DISP3: variants seen among roughly 807,000 people sequenced by gnomAD.
DISP3 encodes the protein dispatched RND transporter family member 3.
A neutral mutation model predicts 135.3 loss-of-function variants in DISP3; 101 were observed. The ratio of observed to expected loss-of-function variants is 0.75; its 90% confidence interval spans 0.64 to 0.88. The LOEUF is 0.88. DISP3 is among the 40% of genes least tolerant of loss of function. The pLI, the probability that DISP3 is intolerant of heterozygous loss-of-function variation, is 0.00. For missense variants in DISP3, 1,713 were observed against 1,878.6 expected, an observed-to-expected ratio of 0.91 and a Z score of 1.63; for synonymous variants, 856 against 817.0, an observed-to-expected ratio of 1.05 and a Z score of -0.81.
rs910062183 is a variant in DISP3 at position 11,536,999 on chromosome 1, C to T, written c.*313C>T. On this transcript the variant is annotated 3_prime_UTR_variant, in exon 21 of 21. Coordinates refer to ENST00000294484, the MANE Select transcript of DISP3 (RefSeq NM_020780.2). This position sits in a 1 kb window ranked among gnomAD's most constrained non-coding sequence, Gnocchi z 4.3. ...GTCAGGTTATTTTTGTAGGGGGTCT[C>T]CCTCTCACACTGCCTCAGTGCTCAC... The T allele has an allele frequency of 3.9e-5, 15 of 380,256 alleles. No homozygotes were observed. Among genetic ancestry groups the T allele is most frequent in the African/African-American group, 2.5e-4 (12 of 48,938 alleles). The allele number at this position is 380,256 out of a possible 1,614,324, so 23.6% of individuals were successfully genotyped here.
intron 1 of DISP3, among the ~76,000 whole-genome samples, chr1:11,484,760 G>C (rs889865446): frequency 1.3e-5 from 2 of 152,164 alleles, no homozygotes; most frequent in Non-Finnish European, 2.9e-5. Flanking sequence ...GGAACAAGGG[G>C]GTGGTAAGGA....
intron 5 of DISP3, among the ~76,000 whole-genome samples, chr1:11,515,763 T>G (rs576720515): frequency 1.9e-4 from 28 of 151,180 alleles, no homozygotes; most frequent in Admixed American, 3.3e-4. Context: ...GAGGTCAGGA[T>G]GTGGGGGAAG....
rs1557599795 is a variant in DISP3, at chr1:11,501,611, A to C, written c.619A>C (p.Thr207Pro). 3 of 1,603,092 alleles carry C rather than the reference A, an allele frequency of 1.9e-6. No individual in the cohort carries two copies. Among genetic ancestry groups the C allele is most frequent in the Non-Finnish European group, 2.6e-6 (3 of 1,174,548 alleles). ...ANRSGRLRRE[T>P]PPLEDLAANQ... is the part of the protein sequence containing the mutation. Reference sequence around the variant, plus strand: ...TCGGAGCGGGCGACTTCGGCGTGAGACCCCGCCCCTGGAGGATCTGGCAGC... The same window carrying C: ...TCGGAGCGGGCGACTTCGGCGTGAGCCCCCGCCCCTGGAGGATCTGGCAGC... Residue 207 changes from threonine to proline, a missense_variant, in exon 2 of 21, where the codon ACC becomes CCC. Thr to Pro is a conservative substitution (Grantham distance 38). Coordinates refer to ENST00000294484, the MANE Select transcript of DISP3 (RefSeq NM_020780.2). This position sits in a 1 kb window ranked among gnomAD's most constrained non-coding sequence, Gnocchi z 4.9.
intron 10 of DISP3, 63 bp from the exon 11 acceptor site, chr1:11,523,879 C>A: frequency 2.2e-6 from 3 of 1,359,712 alleles, no homozygotes; most frequent in Non-Finnish European, 3.1e-6. Context: ...TTCCCTCTGC[C>A]CATCGGGCCC....
chr1:11,494,045 T>A (rs1641262334), intron 1 of DISP3, among the ~76,000 whole-genome samples: 1 of 152,202 alleles, frequency 6.6e-6, no homozygotes, highest in Admixed American at 6.5e-5. Context: ...CTCAAAGAGC[T>A]CATAGGCTAC....
At position 11,529,784 on chromosome 1, in the gene DISP3, C is replaced by T. The variant is rs759035672; in HGVS notation, c.2930-3C>T. The T allele has an allele frequency of 1.2e-6, 2 of 1,611,200 alleles. No homozygotes were observed. The highest frequency in any genetic ancestry group is 4.5e-5 in the East Asian group (2 of 44,828). On this transcript the variant is annotated splice_polypyrimidine_tract_variant and splice_region_variant and intron_variant, in intron 14 of 20. Coordinates refer to ENST00000294484, the MANE Select transcript of DISP3 (RefSeq NM_020780.2). The surrounding 1 kb of genome is among the most constrained non-coding windows in gnomAD (Gnocchi z 4.7). ...CCTTACAGCTGTGACTCCCTGTTCG[C>T]AGTGCCCAAGGCCCGTCTCTCAGCC...
rs149776641 is a variant in DISP3, at chr1:11,499,306, A to G, written c.-3-1684A>G. Among the ~76,000 whole-genome samples the G allele has an allele frequency of 0.012, 1,787 of 152,236 alleles. 26 individuals carry two copies. The highest frequency in any genetic ancestry group is 0.041 in the African/African-American group (1,684 of 41,508). ...GTTTAGTTCCCAGAAAACTGCAAAC[A>G]CGGCCCCTCCCCTCTCCACCTTATT... is the stretch of plus-strand genomic sequence containing the variant. On this transcript the variant is annotated intron_variant, in intron 1 of 20. Coordinates refer to ENST00000294484, the MANE Select transcript of DISP3 (RefSeq NM_020780.2). This position sits in a 1 kb window ranked among gnomAD's most constrained non-coding sequence, Gnocchi z 5.2.
intron 3 of DISP3, among the ~76,000 whole-genome samples, chr1:11,510,615 A>G (rs1641831604): frequency 6.4e-5 from 1 of 15,632 alleles, no homozygotes. Flanking sequence ...CCATTTTTGT[A>G]TAGACCCATA....
At chr1:11,510,101 A>AAAAT (rs563492664) in intron 3 of DISP3, among the ~76,000 whole-genome samples, 95 of 152,228 alleles carry the variant, frequency 6.2e-4, no homozygotes, top group South Asian at 3.5e-3. Context: ...TCTGTCTCAA[A>AAAAT]AAATAAATAA....
Position 11,531,787 on chromosome 1 carries a change from C to T in DISP3, c.3375+77C>T. ...TGCCACCTCTGATCCCAGCCCTCTT[C>T]CCAGATCGGGGGGGAGATGCTGAGG... On this transcript the variant is annotated intron_variant, in intron 17 of 20. Coordinates refer to ENST00000294484, the MANE Select transcript of DISP3 (RefSeq NM_020780.2). The surrounding 1 kb of genome is among the most constrained non-coding windows in gnomAD (Gnocchi z 5.2). 6.6e-7 allele frequency: 1 copy of T among 1,507,126 alleles called. No homozygotes were observed. The highest frequency in any genetic ancestry group is 8.8e-7 in the Non-Finnish European group (1 of 1,130,934). 93.4% of individuals were successfully genotyped at this position (1,507,126 alleles called of 1,614,324 possible).
In DISP3 at chr1:11,536,817, C is replaced by G; in HGVS notation, c.*131C>G. ...GGCGCCCTGCGGGCCAGCGTGGAGG[C>G]TGACACCCACACAGATGGTGTGGAC... On this transcript the variant is annotated 3_prime_UTR_variant, in exon 21 of 21. Coordinates refer to ENST00000294484, the MANE Select transcript of DISP3 (RefSeq NM_020780.2). This position sits in a 1 kb window ranked among gnomAD's most constrained non-coding sequence, Gnocchi z 4.3. 1 of 1,200,278 alleles carries G rather than the reference C, an allele frequency of 8.3e-7. No homozygotes were observed. The highest frequency in any genetic ancestry group is 1.1e-6 in the Non-Finnish European group (1 of 888,352). The allele number at this position is 1,200,278 out of a possible 1,614,324, so 74.4% of individuals were successfully genotyped here. A position where few individuals can be genotyped will look rare whatever the true frequency, so the allele number is the denominator to read the frequency against.
intron 1 of DISP3, among the ~76,000 whole-genome samples, chr1:11,488,800 A>G (rs1305183173): frequency 2.6e-5 from 4 of 152,214 alleles, no homozygotes; most frequent in Non-Finnish European, 5.9e-5. Flanking sequence ...TACTGAGCTC[A>G]TCAGAAATCA....
chr1:11,510,100 A>T (rs959804758), intron 3 of DISP3, among the ~76,000 whole-genome samples: 2 of 152,142 alleles, frequency 1.3e-5, no homozygotes, highest in African/African-American at 2.4e-5. Flanking sequence ...CTCTGTCTCA[A>T]AAAATAAATA....
At chr1:11,506,183 C>T (rs1284508321) in intron 3 of DISP3, among the ~76,000 whole-genome samples, 1 of 152,020 alleles carries the variant, frequency 6.6e-6, no homozygotes, top group Non-Finnish European at 1.5e-5. Flanking sequence ...ATTTCTTTGT[C>T]TTTGTTTTCA....
chr1:11,525,431 A>T, intron 12 of DISP3, 119 bp downstream of exon 12: 1 of 1,224,588 alleles, frequency 8.2e-7, no homozygotes, highest in Non-Finnish European at 1.1e-6. Context: ...GAGGATGAAG[A>T]CCCCCCTCCC....
intron 1 of DISP3, among the ~76,000 whole-genome samples, chr1:11,497,933 T>C (rs1045494934): frequency 1.3e-5 from 2 of 151,812 alleles, no homozygotes; most frequent in African/African-American, 4.8e-5. Flanking sequence ...CTGCCCCCCC[T>C]CCCCAAGGGT....
At chr1:11,488,463 T>G (rs1641096535) in intron 1 of DISP3, among the ~76,000 whole-genome samples, 1 of 152,190 alleles carries the variant, frequency 6.6e-6, no homozygotes, top group South Asian at 2.1e-4. Flanking sequence ...CCAGGAAGCC[T>G]TCCCTGGAGC....
At chr1:11,510,259 T>G (rs1236284681) in intron 3 of DISP3, among the ~76,000 whole-genome samples, 3 of 152,224 alleles carry the variant, frequency 2.0e-5, no homozygotes, top group Non-Finnish European at 4.4e-5. Context: ...TTCCTGTATT[T>G]TGCCTCTTTT....
Position 11,501,646 on chromosome 1 carries a change from T to G in DISP3, c.654T>G (p.Ser218Arg), listed in dbSNP as rs757174591. ...TGGAGGATCTGGCAGCCAACCAGAG[T>G]GAAGACCCGCGAAACCAGCGGCTGA... is the stretch of plus-strand genomic sequence containing the variant. ...PPLEDLAANQ[S>R]EDPRNQRLSK... Residue 218 changes from serine (S) to arginine (R), a missense_variant, in exon 2 of 21, where the codon AGT becomes AGG. Physicochemically the swap from Ser to Arg is moderately radical, Grantham distance 110. Transcript: ENST00000294484. This position sits in a 1 kb window ranked among gnomAD's most constrained non-coding sequence, Gnocchi z 4.9. 6.2e-7 allele frequency: 1 copy of G among 1,609,244 alleles called. No individual in the cohort carries two copies. Among genetic ancestry groups the G allele is most frequent in the Non-Finnish European group, 8.5e-7 (1 of 1,178,424 alleles).
Sources: allele counts gnomAD v4.1 joint callset (sites outside exome capture counted in the v4.1 genomes callset), GRCh38; gene constraint gnomAD v4.1.1; non-coding constraint Gnocchi (gnomAD v3.1); transcripts MANE v1.5; gene names NCBI Gene and HGNC (gene_info 2026-07-23, HGNC 2026-07-21).